RALB: variants seen among roughly 807,000 people sequenced by gnomAD.
The protein encoded by RALB is RAS like proto-oncogene B, also known as ras-related protein Ral-B.
Under a neutral mutation model 21.3 loss-of-function variants are expected in RALB, and 16 were observed. The observed-to-expected ratio is 0.75, with a 90% CI of 0.51 to 1.14. RALB has a LOEUF of 1.14. RALB is among the 50% of genes most tolerant of loss of function. The probability of loss-of-function intolerance (pLI) is 0.00; values close to 1 mark genes in which losing one functional copy is unlikely to be tolerated. For synonymous variants in RALB, 93 were observed against 96.1 expected, an observed-to-expected ratio of 0.97 and a Z score of 0.19; for missense variants, 161 against 256.2, an observed-to-expected ratio of 0.63 and a Z score of 2.54.
At chr2:120,278,161 T>G (rs2104635516) in intron 1 of RALB, among the ~76,000 whole-genome samples, 1 of 152,052 alleles carries the variant, frequency 6.6e-6, no homozygotes, top group East Asian at 1.9e-4. Context: ...GTTGTGAGTG[T>G]GTGCGTGTTG....
intron 1 of RALB, among the ~76,000 whole-genome samples, chr2:120,274,752 T>A (rs926682331): frequency 6.6e-6 from 1 of 152,208 alleles, no homozygotes; most frequent in Non-Finnish European, 1.5e-5. Context: ...TTTTAAGCAT[T>A]CAGAATGGTT....
intron 2 of RALB, among the ~76,000 whole-genome samples, chr2:120,284,580 A>C (rs1039321109): frequency 1.3e-5 from 2 of 152,120 alleles, no homozygotes; most frequent in African/African-American, 4.8e-5. Flanking sequence ...TTGTATTTTT[A>C]GTAGAGATGG....
At chr2:120,246,138 T>TA (rs1688967654) in intron 1 of RALB, among the ~76,000 whole-genome samples, 1 of 152,162 alleles carries the variant, frequency 6.6e-6, no homozygotes, top group Non-Finnish European at 1.5e-5. Context: ...ATCCACAGTT[T>TA]AAAAAATGCT....
chr2:120,276,659 A>G (rs923398718), intron 1 of RALB, among the ~76,000 whole-genome samples: 1 of 151,804 alleles, frequency 6.6e-6, no homozygotes. Context: ...TGCCCTCACT[A>G]TCTGCCTAAA....
At chr2:120,251,434 C>T (rs1386598155), upstream of RALB, among the ~76,000 whole-genome samples, 1 of 152,212 alleles carries the variant, frequency 6.6e-6, no homozygotes, top group African/African-American at 2.4e-5. Context: ...TGTGGACTTG[C>T]ATGTACATCT....
At chr2:120,280,703 T>TA (rs1478132034) in intron 2 of RALB, 1 of 239,144 alleles carries the variant, frequency 4.2e-6, no homozygotes, top group Non-Finnish European at 7.8e-6. Flanking sequence ...TCCCAGAACT[T>TA]AAAGTAAAAA....
upstream of RALB, among the ~76,000 whole-genome samples, chr2:120,248,794 C>A (rs916904519): frequency 2.6e-5 from 4 of 152,050 alleles, no homozygotes; most frequent in African/African-American, 9.7e-5. Flanking sequence ...ACCTCAGCCT[C>A]CCTGGTAGCT....
intron 1 of RALB, among the ~76,000 whole-genome samples, chr2:120,241,604 T>A (rs1558941758): frequency 6.6e-6 from 1 of 152,254 alleles, no homozygotes; most frequent in East Asian, 1.9e-4. Flanking sequence ...TGTGCACCTG[T>A]AATCCCAGCT....
Position 120,294,069 on chromosome 2 carries a change from T to A in RALB, c.*809T>A, listed in dbSNP as rs1230295919. Reference sequence around the variant, plus strand: ...TTTTAAGTTCTTTGGCTAAGTCCTCTCCTAACTGCCTGTCCTCTGGTTAGG... The same window carrying A: ...TTTTAAGTTCTTTGGCTAAGTCCTCACCTAACTGCCTGTCCTCTGGTTAGG... On this transcript the variant is annotated 3_prime_UTR_variant, in exon 5 of 5. Coordinates refer to ENST00000272519, the MANE Select transcript of RALB (RefSeq NM_002881.3). 5.0e-6 allele frequency: 2 copies of A among 398,406 alleles called. No individual in the cohort carries two copies. Among genetic ancestry groups the A allele is most frequent in the African/African-American group, 4.1e-5 (2 of 48,644 alleles). 24.7% of individuals were successfully genotyped at this position (398,406 alleles called of 1,614,324 possible). A position where few individuals can be genotyped will look rare whatever the true frequency, so the allele number is the denominator to read the frequency against.
intron 3 of RALB, among the ~76,000 whole-genome samples, chr2:120,287,836 G>A (rs901860704): frequency 5.3e-5 from 8 of 152,236 alleles, no homozygotes; most frequent in Non-Finnish European, 1.0e-4. Context: ...TGACCTCTGC[G>A]TAGGTTTCTC....
intron 2 of RALB, among the ~76,000 whole-genome samples, chr2:120,283,418 C>G (rs1238201071): frequency 6.6e-6 from 1 of 152,172 alleles, no homozygotes; most frequent in Admixed American, 6.5e-5. Context: ...ACCATTCAGA[C>G]TCTTTGTTCA....
rs544401507 is a variant in RALB, at chr2:120,261,345, G to A, written c.-48+8365G>A. On this transcript the variant is annotated intron_variant, in intron 1 of 4. Transcript: ENST00000272519. ...GAGGGCTTGGCCTTTGCTAAGAGCA[G>A]GAATGTGTACTCCATGAGGCTGGAG... 2.0e-5 allele frequency among the ~76,000 whole-genome samples: 3 copies of A among 152,242 alleles called. No individual in the cohort carries two copies. In the South Asian group the frequency reaches 6.2e-4, roughly 32 times the overall value.
chr2:120,277,982 C>T (rs2104634591), intron 1 of RALB, among the ~76,000 whole-genome samples: 1 of 137,620 alleles, frequency 7.3e-6, no homozygotes, highest in Middle Eastern at 5.2e-3. Context: ...TGAATAAGAG[C>T]ATGTGTGAAT....
intron 2 of RALB, among the ~76,000 whole-genome samples, chr2:120,282,808 G>A (rs574759922): frequency 6.8e-4 from 103 of 152,200 alleles, no homozygotes; most frequent in African/African-American, 2.3e-3. Context: ...AGTTCTAATC[G>A]ATTTTCTAAA....
chr2:120,291,932 G>A (rs1690314442), intron 4 of RALB, among the ~76,000 whole-genome samples: 1 of 152,138 alleles, frequency 6.6e-6, no homozygotes, highest in African/African-American at 2.4e-5. Context: ...TGGCCATGAA[G>A]GAGCTTGTGG....
intron 1 of RALB, among the ~76,000 whole-genome samples, chr2:120,266,539 GC>G (rs1689506175): frequency 6.6e-6 from 1 of 152,052 alleles, no homozygotes; most frequent in South Asian, 2.1e-4. Flanking sequence ...GAGCCACTGT[GC>G]CCTGCCAAAA....
intron 3 of RALB, among the ~76,000 whole-genome samples, chr2:120,289,236 T>A (rs1690246525): frequency 1.0e-5 from 1 of 99,614 alleles, no homozygotes; most frequent in Non-Finnish European, 2.4e-5. Context: ...ACCATTTTTC[T>A]TCTTTTTGTT....
At chr2:120,291,174 A>G (rs971479996) in intron 4 of RALB, among the ~76,000 whole-genome samples, 1 of 152,218 alleles carries the variant, frequency 6.6e-6, no homozygotes, top group African/African-American at 2.4e-5. Context: ...ATCTATTTGT[A>G]TGTATCGTAC....
At chr2:120,266,511 T>C (rs1689505640) in intron 1 of RALB, among the ~76,000 whole-genome samples, 1 of 152,156 alleles carries the variant, frequency 6.6e-6, no homozygotes, top group Non-Finnish European at 1.5e-5. Flanking sequence ...CCTCCCAAAG[T>C]GCTGGGATTA....
Sources: allele counts gnomAD v4.1 joint callset (sites outside exome capture counted in the v4.1 genomes callset), GRCh38; gene constraint gnomAD v4.1.1; transcripts MANE v1.5; gene names NCBI Gene and HGNC (gene_info 2026-07-23, HGNC 2026-07-21).